The following ADAMTSL1 variants were observed in gnomAD, a reference collection of about 807,000 sequenced individuals.
ADAMTSL1 encodes the protein ADAMTS like 1, also known as ADAMTS-like protein 1.
Under a neutral mutation model 201.8 loss-of-function variants are expected in ADAMTSL1, and 126 were observed. That is an observed-to-expected ratio of 0.62 (90% CI 0.54 to 0.72). The LOEUF (loss-of-function observed/expected upper bound fraction) is 0.72, where lower values mean the gene tolerates loss of function less well. Among genes scored for constraint, ADAMTSL1 ranks in the 30% least tolerant of loss-of-function variants. The probability of loss-of-function intolerance (pLI) is 0.00; values close to 1 mark genes in which losing one functional copy is unlikely to be tolerated. For synonymous variants in ADAMTSL1, 1,121 were observed against 903.4 expected, an observed-to-expected ratio of 1.24 and a Z score of -4.32; for missense variants, 2,679 against 2,277.8, an observed-to-expected ratio of 1.18 and a Z score of -3.59.
At chr9:18,696,255 G>A (rs576545525) in intron 13 of ADAMTSL1, among the ~76,000 whole-genome samples, 1 of 152,198 alleles carries the variant, frequency 6.6e-6, no homozygotes, top group African/African-American at 2.4e-5. Context: ...AGATGAGTGG[G>A]AGTTATTCCA....
At chr9:18,392,935 G>T (rs1024509577) in intron 2 of ADAMTSL1, among the ~76,000 whole-genome samples, 3 of 152,120 alleles carry the variant, frequency 2.0e-5, no homozygotes, top group African/African-American at 4.8e-5. Flanking sequence ...GCTACCTAAG[G>T]TAAAAAGATG....
chr9:18,505,407 C>T (rs1454607477), intron 2 of ADAMTSL1, among the ~76,000 whole-genome samples: 1 of 152,088 alleles, frequency 6.6e-6, no homozygotes, highest in Non-Finnish European at 1.5e-5. Flanking sequence ...GTCCTAATAG[C>T]CAGAAGTTTC....
At chr9:18,819,613 C>A (rs1425241297) in intron 21 of ADAMTSL1, among the ~76,000 whole-genome samples, 1 of 152,124 alleles carries the variant, frequency 6.6e-6, no homozygotes, top group Non-Finnish European at 1.5e-5. Context: ...CCGCCTAGGG[C>A]CCTCTCTCTG....
intron 13 of ADAMTSL1, among the ~76,000 whole-genome samples, chr9:18,687,687 C>A (rs1395575736): frequency 6.6e-6 from 1 of 152,202 alleles, no homozygotes; most frequent in African/African-American, 2.4e-5. Context: ...ATGTTAGATA[C>A]TTTTAGTAAA....
intron 23 of ADAMTSL1, among the ~76,000 whole-genome samples, chr9:18,874,359 C>A (rs1828021030): frequency 6.6e-6 from 1 of 152,108 alleles, no homozygotes; most frequent in Admixed American, 6.6e-5. Flanking sequence ...TAAAAGTGGG[C>A]ATTCTTGTCT....
chr9:18,349,930 C>T (rs1835890803), intron 2 of ADAMTSL1, among the ~76,000 whole-genome samples: 1 of 146,932 alleles, frequency 6.8e-6, no homozygotes, highest in African/African-American at 2.5e-5. Flanking sequence ...CAAAAACAGC[C>T]ATTACTTTTG....
At chr9:18,782,706 C>T (rs10811032) in intron 19 of ADAMTSL1, among the ~76,000 whole-genome samples, 16,706 of 152,072 alleles carry the variant, frequency 0.11, 1,116 homozygotes, top group East Asian at 0.27. Flanking sequence ...ATTTGGTGAC[C>T]GCTTTAGATG....
intron 2 of ADAMTSL1, among the ~76,000 whole-genome samples, chr9:18,437,041 C>T (rs1002609354): frequency 2.6e-5 from 4 of 151,526 alleles, no homozygotes; most frequent in Non-Finnish European, 5.9e-5. Flanking sequence ...GAGCATCAGC[C>T]AGTCATTGGC....
At chr9:18,091,955 A>G (rs1047564003) in intron 1 of ADAMTSL1, among the ~76,000 whole-genome samples, 5 of 152,092 alleles carry the variant, frequency 3.3e-5, no homozygotes, top group Non-Finnish European at 7.4e-5. Flanking sequence ...AGGAAATCTC[A>G]TGAACTTCTC....
intron 2 of ADAMTSL1, among the ~76,000 whole-genome samples, chr9:18,234,781 C>T (rs556765014): frequency 6.6e-6 from 1 of 152,150 alleles, no homozygotes; most frequent in Non-Finnish European, 1.5e-5. Context: ...GTTTCAGAAC[C>T]AGATTTGTCC....
chr9:18,630,216 G>A (rs545017223), intron 5 of ADAMTSL1, among the ~76,000 whole-genome samples: 1 of 152,248 alleles, frequency 6.6e-6, no homozygotes, highest in East Asian at 1.9e-4. Context: ...TTTTACTGAG[G>A]CGGGACCTTT....
chr9:18,875,431 A>G (rs1161215704), intron 23 of ADAMTSL1, among the ~76,000 whole-genome samples: 1 of 152,120 alleles, frequency 6.6e-6, no homozygotes, highest in Non-Finnish European at 1.5e-5. Flanking sequence ...GCTGTATCAC[A>G]GAGGTTTTGA....
intron 14 of ADAMTSL1, among the ~76,000 whole-genome samples, chr9:18,720,123 A>G (rs1833244348): frequency 1.3e-5 from 2 of 152,160 alleles, no homozygotes; most frequent in Non-Finnish European, 1.5e-5. Context: ...CTCTGCTGAA[A>G]TGATTCCAGA....
chr9:18,278,266 T>G (rs1444836167), intron 2 of ADAMTSL1, among the ~76,000 whole-genome samples: 1 of 152,236 alleles, frequency 6.6e-6, no homozygotes, highest in East Asian at 1.9e-4. Context: ...TTCATGTGTT[T>G]CATATTGTTA....
intron 23 of ADAMTSL1, among the ~76,000 whole-genome samples, chr9:18,844,706 T>C (rs901870351): frequency 1.3e-5 from 2 of 152,238 alleles, no homozygotes; most frequent in African/African-American, 4.8e-5. Flanking sequence ...TCGAGCTTCC[T>C]GGCTGCTTTG....
Position 18,048,093 on chromosome 9 carries a change from A to G in ADAMTSL1, c.88-115769A>G, listed in dbSNP as rs73418889. Among the ~76,000 whole-genome samples the G allele has an allele frequency of 1.2e-3, 183 of 152,320 alleles. 2 individuals carry two copies. Among genetic ancestry groups the G allele is most frequent in the African/African-American group, 4.2e-3 (174 of 41,586 alleles). ...ATGCTTCTGGCATCATTATCTTGGA[A>G]GAGTTGTTAGATTTTTGATTTAGAA... On this transcript the variant is annotated intron_variant, in intron 1 of 29. Transcript: ENST00000680146.
At chr9:18,374,646 C>G (rs1261654109) in intron 2 of ADAMTSL1, among the ~76,000 whole-genome samples, 5 of 152,074 alleles carry the variant, frequency 3.3e-5, no homozygotes, top group Non-Finnish European at 5.9e-5. Context: ...ACAGATTTTT[C>G]TTTTTTAAAC....
chr9:18,037,906 G>T (rs1371197547), intron 1 of ADAMTSL1, among the ~76,000 whole-genome samples: 1 of 151,928 alleles, frequency 6.6e-6, no homozygotes, highest in African/African-American at 2.4e-5. Context: ...AACATCCCCA[G>T]CAGGCTTCAA....
At chr9:18,844,442 C>T (rs532002499) in intron 23 of ADAMTSL1, among the ~76,000 whole-genome samples, 64 of 152,132 alleles carry the variant, frequency 4.2e-4, no homozygotes, top group Non-Finnish European at 8.1e-4. Flanking sequence ...TCAGTCTGCC[C>T]CTACTGGGGG....
Sources: allele counts gnomAD v4.1 joint callset (sites outside exome capture counted in the v4.1 genomes callset), GRCh38; gene constraint gnomAD v4.1.1; transcripts MANE v1.5; gene names NCBI Gene and HGNC (gene_info 2026-07-23, HGNC 2026-07-21).